GPR107: variants seen among roughly 807,000 people sequenced by gnomAD.
GPR107 encodes protein GPR107.
A neutral mutation model predicts 75.5 loss-of-function variants in GPR107; 31 were observed. The ratio of observed to expected loss-of-function variants is 0.41; its 90% CI spans 0.31 to 0.55. GPR107 has a LOEUF of 0.55. Among genes scored for constraint, GPR107 ranks in the 20% least tolerant of loss-of-function variants. GPR107 has a pLI of 0.26. For synonymous variants in GPR107, 267 were observed against 251.3 expected (o/e 1.06, Z -0.59); for missense variants, 572 against 665.7 (o/e 0.86, Z 1.55).
chr9:130,114,687 G>A, intron 14 of GPR107: 1 of 1,044,400 alleles, frequency 9.6e-7, no homozygotes. Context: ...GACCCATCCT[G>A]TTTTACTTTC....
chr9:130,061,502 A>G (rs1316958798), intron 1 of GPR107, among the ~76,000 whole-genome samples: 2 of 152,140 alleles, frequency 1.3e-5, no homozygotes, highest in South Asian at 2.1e-4. Context: ...GAGCAGAGTG[A>G]TCTAGGGGAG....
chr9:130,075,098 A>G (rs575313608), intron 1 of GPR107, among the ~76,000 whole-genome samples: 119 of 152,136 alleles, frequency 7.8e-4, no homozygotes, highest in Admixed American at 1.5e-3. Flanking sequence ...GAAACTGTTG[A>G]TATCTTTTGG....
intron 1 of GPR107, among the ~76,000 whole-genome samples, chr9:130,071,954 G>A (rs1830221005): frequency 6.7e-6 from 1 of 149,664 alleles, no homozygotes; most frequent in South Asian, 2.1e-4. Context: ...CAAAGTGCTG[G>A]GATTACAGGC....
intron 1 of GPR107, among the ~76,000 whole-genome samples, chr9:130,060,572 A>G (rs910961242): frequency 1.3e-5 from 2 of 152,036 alleles, no homozygotes; most frequent in African/African-American, 2.4e-5. Context: ...GATGCTTGCC[A>G]CTGTGCTCGG....
chr9:130,058,118 C>T (rs556514376), intron 1 of GPR107, among the ~76,000 whole-genome samples: 2 of 151,844 alleles, frequency 1.3e-5, no homozygotes, highest in South Asian at 2.1e-4. Context: ...CGTGAGCCAC[C>T]GCTCCTGGCT....
At position 130,112,428 on chromosome 9, in the gene GPR107, T is replaced by C. The variant is rs1831329893; in HGVS notation, c.1306+4889T>C. On this transcript the variant is annotated intron_variant, in intron 14 of 17. Transcript: ENST00000347136. This position sits in a 1 kb window ranked among gnomAD's most constrained non-coding sequence, Gnocchi z 4.0. The stretch of plus-strand genomic sequence containing the variant: ...CCTGATGGTGAAAAGCAATGATGGG[T>C]GAAATTGCCGGCACCGTCACGTGAT... Among the ~76,000 whole-genome samples the C allele has an allele frequency of 6.6e-6, 1 of 152,134 alleles. No individual in the cohort carries two copies. The highest frequency in any genetic ancestry group is 2.1e-4 in the South Asian group (1 of 4,830).
chr9:130,124,483 C>T (rs1304080169), intron 14 of GPR107, among the ~76,000 whole-genome samples: 3 of 152,126 alleles, frequency 2.0e-5, no homozygotes, highest in Non-Finnish European at 4.4e-5. Flanking sequence ...AGTGGGAGAC[C>T]CCCCCAGGTG....
At chr9:130,127,393 T>C in intron 15 of GPR107, 90 bp from the exon 16 acceptor site, 1 of 739,570 alleles carries the variant, frequency 1.4e-6, no homozygotes, top group Non-Finnish European at 2.4e-6. Flanking sequence ...CTGTTTTCTG[T>C]TTCCTAGTTC....
intron 14 of GPR107, among the ~76,000 whole-genome samples, chr9:130,109,446 C>T (rs56005904): frequency 0.041 from 6,287 of 152,164 alleles, 179 homozygotes; most frequent in African/African-American, 0.073. Flanking sequence ...GCTGGGATTA[C>T]AGATGTGAAC....
In GPR107 at chr9:130,127,515, T is replaced by A; in HGVS notation, c.1389T>A (p.Ile463=). Residue 463 remains isoleucine, a synonymous_variant, in exon 16 of 18, where the codon ATT becomes ATA. Transcript: ENST00000347136. ...IVCYIYFTRI[I]AFLLKLAVPF... ...GTTACATATACTTCACTAGGATCAT[T>A]GCATTTCTCCTCAAACTCGCTGTTC... The A allele has an allele frequency of 6.2e-7, 1 of 1,601,952 alleles. No individual in the cohort carries two copies. Among genetic ancestry groups the A allele is most frequent in the Non-Finnish European group, 8.6e-7 (1 of 1,168,870 alleles).
intron 1 of GPR107, among the ~76,000 whole-genome samples, chr9:130,074,877 C>G (rs1159971897): frequency 1.3e-5 from 2 of 151,538 alleles, no homozygotes; most frequent in African/African-American, 4.8e-5. Flanking sequence ...GGAACAGCTT[C>G]AGCCGCTCCT....
chr9:130,128,639 G>A lies in GPR107; in HGVS notation c.1441-1G>A. On this transcript the variant is annotated splice_acceptor_variant, in intron 16 of 17. Transcript: ENST00000347136. LOFTEE classifies it high-confidence loss of function. ...TTTTGGGGTGGTTTTTAAACTTGCA[G>A]CTCCTGGATGAAACGGCCACACTGG... The A allele has an allele frequency of 1.9e-6, 3 of 1,611,522 alleles. No homozygotes were observed. Among genetic ancestry groups the A allele is most frequent in the Non-Finnish European group, 2.5e-6 (3 of 1,177,766 alleles).
intron 1 of GPR107, among the ~76,000 whole-genome samples, chr9:130,067,321 C>T (rs1830093672): frequency 6.6e-6 from 1 of 152,196 alleles, no homozygotes; most frequent in South Asian, 2.1e-4. Context: ...AAGTCAGAGA[C>T]TGTGCTAAAT....
At chr9:130,117,677 C>T (rs144099183) in intron 14 of GPR107, among the ~76,000 whole-genome samples, 260 of 152,270 alleles carry the variant, frequency 1.7e-3, no homozygotes, top group Middle Eastern at 3.4e-3. Context: ...GGCTGTCCAT[C>T]GTCTTTATTT....
intron 14 of GPR107, among the ~76,000 whole-genome samples, chr9:130,119,818 G>T (rs911765974): frequency 4.3e-4 from 23 of 53,622 alleles, no homozygotes; most frequent in Non-Finnish European, 8.3e-4. Flanking sequence ...TTTTTAGTCT[G>T]TTTTTTTTGT....
At chr9:130,086,379 A>G (rs199959776) in intron 6 of GPR107, 41 bp from the exon 7 acceptor site, 6 of 905,658 alleles carry the variant, frequency 6.6e-6, no homozygotes, top group Middle Eastern at 4.3e-4. Context: ...GCATGCTTCT[A>G]TGCCGGTGTC....
chr9:130,093,867 A>G (rs1315945720), intron 9 of GPR107, among the ~76,000 whole-genome samples: 1 of 151,974 alleles, frequency 6.6e-6, no homozygotes, highest in Non-Finnish European at 1.5e-5. Flanking sequence ...CCCAGGCTGG[A>G]GTGCAGTGCC....
At chr9:130,057,229 C>T (rs1281696121) in intron 1 of GPR107, among the ~76,000 whole-genome samples, 1 of 152,096 alleles carries the variant, frequency 6.6e-6, no homozygotes, top group African/African-American at 2.4e-5. Context: ...TGGTAGCTCA[C>T]ACCTGTAATC....
At chr9:130,109,730 C>T (rs1012815062) in intron 14 of GPR107, among the ~76,000 whole-genome samples, 1 of 151,866 alleles carries the variant, frequency 6.6e-6, no homozygotes, top group Admixed American at 6.6e-5. Flanking sequence ...CCACCACACC[C>T]AGCTAATGTT....
Sources: allele counts gnomAD v4.1 joint callset (sites outside exome capture counted in the v4.1 genomes callset), GRCh38; gene constraint gnomAD v4.1.1; non-coding constraint Gnocchi (gnomAD v3.1); transcripts MANE v1.5; gene names NCBI Gene and HGNC (gene_info 2026-07-23, HGNC 2026-07-21).